Variants in HOXB3 observed in about 807,000 individuals in gnomAD.
HOXB3 encodes the protein homeobox protein Hox-B3.
HOXB3 carries 17 observed loss-of-function variants against 29.2 expected under a neutral mutation model. The ratio of observed to expected loss-of-function variants is 0.58; its 90% CI spans 0.40 to 0.87. HOXB3 has a LOEUF of 0.87. HOXB3 is among the 40% of genes least tolerant of loss of function. The pLI is 0.00. For missense variants in HOXB3, 637 were observed against 616.3 expected, an observed-to-expected ratio of 1.03 and a Z score of -0.35; for synonymous variants, 317 against 285.9, an observed-to-expected ratio of 1.11 and a Z score of -1.10.
chr17:48,559,848 C>G (rs2069132353), intron 2 of HOXB3: 1 of 152,272 alleles, frequency 6.6e-6, no homozygotes, highest in African/African-American at 2.4e-5. Flanking sequence ...GCGCTGCCCT[C>G]TCCCCAGCTG....
intron 1 of HOXB3, chr17:48,578,418 CAA>C (rs1201811624): frequency 1.0e-5 from 15 of 1,441,250 alleles, no homozygotes; most frequent in South Asian, 6.8e-5. Flanking sequence ...GTCAAGTGAA[CAA>C]AGTTAGGCGC....
chr17:48,589,384 G>A (rs1025229991), intron 1 of HOXB3, among the ~76,000 whole-genome samples: 1 of 152,142 alleles, frequency 6.6e-6, no homozygotes, highest in Non-Finnish European at 1.5e-5. Context: ...CCCCACTCCT[G>A]GTTCAGGAAT....
In HOXB3 at chr17:48,550,182, A is replaced by C; in HGVS notation, c.*152T>G. ...AGACTTAAAAGCAACCTCTCAGGCCAGGGGGAAGGGAAGGAGCTCCAGGCC... is the reference window on the plus strand; with the variant it reads ...AGACTTAAAAGCAACCTCTCAGGCCCGGGGGAAGGGAAGGAGCTCCAGGCC... On this transcript the variant is annotated 3_prime_UTR_variant, in exon 5 of 5. Coordinates refer to ENST00000498678, the MANE Select transcript of HOXB3 (RefSeq NM_001384749.1). 2.0e-6 allele frequency: 2 copies of C among 976,716 alleles called. No homozygotes were observed. The highest frequency in any genetic ancestry group is 1.5e-6 in the Non-Finnish European group (1 of 672,618). The allele number at this position is 976,716 out of a possible 1,614,324, so 60.5% of individuals were successfully genotyped here.
At position 48,550,128 on chromosome 17, in the gene HOXB3, G is replaced by A. The variant is rs2068657617; in HGVS notation, c.*206C>T. On this transcript the variant is annotated 3_prime_UTR_variant, in exon 5 of 5. Coordinates refer to ENST00000498678, the MANE Select transcript of HOXB3 (RefSeq NM_001384749.1). ...TATGATGTGGATTCCTTTCCGATGG[G>A]TTGGCAGGCAGATGGAACAAGGGGT... The A allele has an allele frequency of 6.5e-6, 4 of 616,052 alleles. No individual in the cohort carries two copies. In the South Asian group the frequency reaches 8.1e-5, roughly 12 times the overall value. 38.2% of individuals were successfully genotyped at this position (616,052 alleles called of 1,614,324 possible).
chr17:48,575,592 C>G (rs1240306481), intron 1 of HOXB3: 1 of 152,486 alleles, frequency 6.6e-6, no homozygotes, highest in Non-Finnish European at 1.5e-5. Flanking sequence ...GTTCTAGACT[C>G]AAGCAGCCCC....
intron 2 of HOXB3, among the ~76,000 whole-genome samples, chr17:48,562,066 G>C (rs2069216218): frequency 6.6e-6 from 1 of 152,096 alleles, no homozygotes; most frequent in South Asian, 2.1e-4. Context: ...GCCCTCCCTT[G>C]CCCCATAGAG....
chr17:48,575,503 G>T (rs891038193), intron 1 of HOXB3: 1 of 152,198 alleles, frequency 6.6e-6, no homozygotes, highest in African/African-American at 2.4e-5. Context: ...ACAAAAACAC[G>T]CTGTGCTGGT....
chr17:48,553,845 A>G (rs1465522108), intron 3 of HOXB3: 2 of 152,230 alleles, frequency 1.3e-5, no homozygotes, highest in Non-Finnish European at 2.9e-5. Context: ...ACTCTTCACC[A>G]TCACTTTTCA....
chr17:48,571,831 G>C (rs1406080352), intron 2 of HOXB3, among the ~76,000 whole-genome samples: 1 of 152,222 alleles, frequency 6.6e-6, no homozygotes, highest in African/African-American at 2.4e-5. Flanking sequence ...AAAGGAGAGA[G>C]TATCAACCAC....
intron 2 of HOXB3, among the ~76,000 whole-genome samples, chr17:48,561,230 A>ACACACACACACACACACACACACACACAC (rs1351687481): frequency 6.7e-6 from 1 of 150,312 alleles, no homozygotes; most frequent in East Asian, 2.0e-4. Flanking sequence ...ACACACACTG[A>ACACACACACACACACACACACACACACAC]ACAATGACAG....
rs1233130289 is a variant in HOXB3 at position 48,549,908 on chromosome 17, AAATC to A, written c.*422_*425del. On this transcript the variant is annotated 3_prime_UTR_variant, in exon 5 of 5. Transcript: ENST00000498678. ...TTAAAGGATAATTGAGGAAAAAAAA[AAATC>A]AAGATTTGGGGGGAATTACCTACAA... The A allele has an allele frequency of 6.2e-6, 1 of 160,154 alleles. No individual in the cohort carries two copies. The highest frequency in any genetic ancestry group is 1.9e-4 in the East Asian group (1 of 5,322). The allele number at this position is 160,154 out of a possible 1,614,324, so 9.9% of individuals were successfully genotyped here.
intron 3 of HOXB3, 197 bp from the exon 4 acceptor site, chr17:48,552,829 G>A (rs970728682): frequency 2.2e-5 from 5 of 231,944 alleles, no homozygotes; most frequent in Non-Finnish European, 4.2e-5. Flanking sequence ...AAGACTATAT[G>A]CCTTTCAAGA....
chr17:48,578,639 G>C (rs1228102581), intron 1 of HOXB3: 1 of 316,004 alleles, frequency 3.2e-6, no homozygotes, highest in African/African-American at 2.3e-5. Flanking sequence ...GAGAGAGAGC[G>C]AGAGAGAGAG....
chr17:48,565,932 C>G (rs1045710862), intron 2 of HOXB3, among the ~76,000 whole-genome samples: 1 of 152,216 alleles, frequency 6.6e-6, no homozygotes, highest in African/African-American at 2.4e-5. Flanking sequence ...CTCTCTGGGT[C>G]CCTCTCTTCC....
Position 48,555,313 on chromosome 17 carries a change from AAG to A in HOXB3, c.-159+216_-159+217del, listed in dbSNP as rs1729111958. ...GAGGAGAAAAGAGGAGAGAAGCAGG[AAG>A]AGAGAGGGGAGAGAGAGAGGGAGAG... On this transcript the variant is annotated intron_variant, in intron 3 of 4. Transcript: ENST00000498678. 5 of 559,834 alleles carry A rather than the reference AAG, an allele frequency of 8.9e-6. 1 individual carries two copies. In the Admixed American group the frequency reaches 1.6e-4, roughly 18 times the overall value. The allele number at this position is 559,834 out of a possible 1,614,324, so 34.7% of individuals were successfully genotyped here.
Position 48,584,677 on chromosome 17 carries a change from G to C in HOXB3, c.-425+5448C>G, listed in dbSNP as rs141888086. On this transcript the variant is annotated intron_variant, in intron 1 of 4. Transcript: ENST00000498678. Reference sequence around the variant, plus strand: ...TGACTCAAAGATTATCTTTGGAAGAGAAAATTGCTCAGAGGGTTCACCACA... The same window carrying C: ...TGACTCAAAGATTATCTTTGGAAGACAAAATTGCTCAGAGGGTTCACCACA... 2.5e-3 allele frequency among the ~76,000 whole-genome samples: 380 copies of C among 152,278 alleles called. 1 individual carries two copies. The highest frequency in any genetic ancestry group is 0.01 in the Middle Eastern group (3 of 294).
intron 2 of HOXB3, chr17:48,556,816 G>A (rs1355287914): frequency 6.6e-6 from 1 of 152,164 alleles, no homozygotes; most frequent in African/African-American, 2.4e-5. Flanking sequence ...AAGGACATTT[G>A]TACTTCTAAG....
At chr17:48,562,266 G>A (rs1426139091) in intron 2 of HOXB3, among the ~76,000 whole-genome samples, 2 of 152,018 alleles carry the variant, frequency 1.3e-5, no homozygotes, top group African/African-American at 2.4e-5. Flanking sequence ...TGTACCAGCC[G>A]AGCCCTCTCA....
chr17:48,577,891 G>A, intron 1 of HOXB3: 2 of 1,386,664 alleles, frequency 1.4e-6, no homozygotes, highest in Non-Finnish European at 9.4e-7. Context: ...TGCGCATCCA[G>A]GGGTAGACGA....
Sources: gnomAD v4.1 joint callset for allele counts (sites outside exome capture counted in the v4.1 genomes callset) on GRCh38, gnomAD v4.1.1 for gene constraint, MANE v1.5 for transcripts, NCBI Gene and HGNC (gene_info 2026-07-23, HGNC 2026-07-21) for gene names.